The following CAMKMT variants were observed in gnomAD, a reference collection of about 807,000 sequenced individuals.
CAMKMT encodes the protein CaM KMT.
CAMKMT carries 53 observed loss-of-function variants against 48.0 expected under a neutral mutation model. The ratio of observed to expected loss-of-function variants is 1.10; its 90% CI spans 0.89 to 1.39. The LOEUF (loss-of-function observed/expected upper bound fraction) is 1.39. Ranked by LOEUF, CAMKMT falls within the 40% of genes most tolerant of loss-of-function variation. The pLI is 0.00. For missense variants in CAMKMT, 428 were observed against 402.7 expected (o/e 1.06, Z -0.54); for synonymous variants, 165 against 152.3 (o/e 1.08, Z -0.61).
At chr2:44,538,956 GTC>G (rs1161078319) in intron 3 of CAMKMT, among the ~76,000 whole-genome samples, 57 of 83,324 alleles carry the variant, frequency 6.8e-4, no homozygotes, top group East Asian at 1.7e-3. Context: ...CTGTGTGTGT[GTC>G]TGTGTGTGTG....
intron 3 of CAMKMT, among the ~76,000 whole-genome samples, chr2:44,410,208 C>G (rs1558589034): frequency 1.1e-5 from 1 of 88,336 alleles, no homozygotes; most frequent in Non-Finnish European, 2.1e-5. Flanking sequence ...TCCTGACAAA[C>G]TTAAGTAATT....
At chr2:44,492,484 A>T (rs1669555919) in intron 3 of CAMKMT, among the ~76,000 whole-genome samples, 1 of 152,208 alleles carries the variant, frequency 6.6e-6, no homozygotes, top group Admixed American at 6.5e-5. Context: ...AAAATATTTT[A>T]AAAGTTAAAA....
chr2:44,407,712 C>A (rs925560019), intron 3 of CAMKMT, among the ~76,000 whole-genome samples: 1 of 152,092 alleles, frequency 6.6e-6, no homozygotes, highest in Non-Finnish European at 1.5e-5. Flanking sequence ...AGGATTAGGA[C>A]TTAGATGGGC....
chr2:44,766,817 T>A (rs1194313256), intron 10 of CAMKMT, among the ~76,000 whole-genome samples: 1 of 152,246 alleles, frequency 6.6e-6, no homozygotes, highest in Non-Finnish European at 1.5e-5. Context: ...CATAATAGAC[T>A]AATTTGTAGG....
At chr2:44,699,224 T>A (rs1329407713) in intron 3 of CAMKMT, among the ~76,000 whole-genome samples, 1 of 152,220 alleles carries the variant, frequency 6.6e-6, no homozygotes, top group Non-Finnish European at 1.5e-5. Flanking sequence ...TTCAACTGAC[T>A]TTGCTCAGAT....
At chr2:44,422,992 T>G (rs1040375597) in intron 3 of CAMKMT, among the ~76,000 whole-genome samples, 5 of 152,172 alleles carry the variant, frequency 3.3e-5, no homozygotes, top group African/African-American at 1.2e-4. Context: ...TCTCAGATTT[T>G]CTTTCTCATC....
chr2:44,491,766 C>G (rs1385550669), intron 3 of CAMKMT, among the ~76,000 whole-genome samples: 2 of 152,116 alleles, frequency 1.3e-5, no homozygotes, highest in African/African-American at 4.8e-5. Context: ...CTATTGCACC[C>G]CCTTAACCAG....
intron 3 of CAMKMT, among the ~76,000 whole-genome samples, chr2:44,463,891 G>A (rs1051141051): frequency 5.9e-5 from 9 of 152,166 alleles, no homozygotes; most frequent in African/African-American, 2.2e-4. Flanking sequence ...GGGAGAGGTG[G>A]CTGTTTTTCA....
intron 4 of CAMKMT, chr2:44,705,556 C>G (rs996306516): frequency 9.2e-6 from 9 of 982,540 alleles, no homozygotes; most frequent in Non-Finnish European, 1.1e-5. Flanking sequence ...AGAGTGCCAC[C>G]CTAGACTGTC....
chr2:44,540,398 T>C (rs915926993), intron 3 of CAMKMT, among the ~76,000 whole-genome samples: 3 of 152,140 alleles, frequency 2.0e-5, no homozygotes, highest in Non-Finnish European at 4.4e-5. Context: ...GACATAGCCA[T>C]GGAACCAGTG....
intron 3 of CAMKMT, among the ~76,000 whole-genome samples, chr2:44,454,610 A>G (rs1667462474): frequency 6.6e-6 from 1 of 152,142 alleles, no homozygotes; most frequent in African/African-American, 2.4e-5. Flanking sequence ...AAGTAGGATA[A>G]TAAAACAAAT....
intron 3 of CAMKMT, among the ~76,000 whole-genome samples, chr2:44,643,870 G>A (rs1303960427): frequency 6.6e-6 from 1 of 152,110 alleles, no homozygotes. Context: ...CGATATGATT[G>A]ATATTAATAC....
At position 44,566,802 on chromosome 2, in the gene CAMKMT, T is replaced by G. The variant is rs550145829; in HGVS notation, c.377-137481T>G. Among the ~76,000 whole-genome samples the G allele has an allele frequency of 2.6e-5, 4 of 152,312 alleles. No homozygotes were observed. In the South Asian group the frequency reaches 8.3e-4, roughly 32 times the overall value. ...AGTAAGTTAAAGGATGCTTTTAATT[T>G]AAAAAATTAAGATAACCTGAAAACA... On this transcript the variant is annotated intron_variant, in intron 3 of 10. Coordinates refer to ENST00000378494, the MANE Select transcript of CAMKMT (RefSeq NM_024766.5).
intron 7 of CAMKMT, among the ~76,000 whole-genome samples, chr2:44,739,259 G>A (rs1460855021): frequency 6.6e-6 from 1 of 152,236 alleles, no homozygotes; most frequent in Non-Finnish European, 1.5e-5. Flanking sequence ...TAATTCAGAT[G>A]AGAGATGATA....
chr2:44,601,996 A>T (rs1010430826), intron 3 of CAMKMT, among the ~76,000 whole-genome samples: 2 of 151,992 alleles, frequency 1.3e-5, no homozygotes, highest in African/African-American at 2.4e-5. Context: ...TCTGCTTTTT[A>T]AAAATATATT....
intron 9 of CAMKMT, among the ~76,000 whole-genome samples, chr2:44,759,314 T>A (rs1031109529): frequency 6.6e-6 from 1 of 152,110 alleles, no homozygotes; most frequent in African/African-American, 2.4e-5. Flanking sequence ...AGAGATGGGC[T>A]TTTGCCATGT....
chr2:44,383,977 C>G (rs1233264180), intron 2 of CAMKMT, among the ~76,000 whole-genome samples: 1 of 152,248 alleles, frequency 6.6e-6, no homozygotes, highest in Non-Finnish European at 1.5e-5. Context: ...TTATTTTCCT[C>G]TGGGTAGATA....
chr2:44,762,744 A>G (rs1680671557), intron 9 of CAMKMT, among the ~76,000 whole-genome samples: 1 of 152,216 alleles, frequency 6.6e-6, no homozygotes, highest in Admixed American at 6.5e-5. Context: ...TTAGTCTAGC[A>G]AAATAACAAC....
At chr2:44,393,307 A>T (rs1572738114) in intron 3 of CAMKMT, 1 of 152,326 alleles carries the variant, frequency 6.6e-6, no homozygotes, top group South Asian at 2.1e-4. Context: ...TTTTAAATGT[A>T]TGAACTGCAA....
Sources: allele counts gnomAD v4.1 joint callset (sites outside exome capture counted in the v4.1 genomes callset), GRCh38; gene constraint gnomAD v4.1.1; transcripts MANE v1.5; gene names NCBI Gene and HGNC (gene_info 2026-07-23, HGNC 2026-07-21).